Variants in TGFBR1 observed in about 807,000 individuals in gnomAD.
TGFBR1 encodes transforming growth factor beta receptor 1, also known as TGF-beta receptor type-1.
In TGFBR1, 20 loss-of-function variants were observed where a neutral mutation model predicts 55.1. The observed-to-expected ratio is 0.36, with a 90% CI of 0.26 to 0.53. The LOEUF (loss-of-function observed/expected upper bound fraction) is 0.53, where lower values mean the gene tolerates loss of function less well. Ranked by LOEUF, TGFBR1 falls within the 20% of genes least tolerant of loss-of-function variation. The pLI, the probability that TGFBR1 is intolerant of heterozygous loss-of-function variation, is 0.91. For missense variants in TGFBR1, 385 were observed against 617.6 expected, an observed-to-expected ratio of 0.62 and a Z score of 3.99; for synonymous variants, 220 against 214.8, an observed-to-expected ratio of 1.02 and a Z score of -0.21.
chr9:99,149,128 A>G (rs554262151), intron 8 of TGFBR1, 52 bp from the exon 9 acceptor site: 2 of 1,545,092 alleles, frequency 1.3e-6, no homozygotes, highest in East Asian at 4.9e-5. Flanking sequence ...TCTTATCCAG[A>G]CCAATGGAAA....
At position 99,137,854 on chromosome 9, in the gene TGFBR1, T is replaced by G. The variant is rs1025639851; in HGVS notation, c.575-5T>G. The G allele has an allele frequency of 2.5e-6, 4 of 1,612,020 alleles. No homozygotes were observed. The highest frequency in any genetic ancestry group is 3.4e-6 in the Non-Finnish European group (4 of 1,178,180). The stretch of plus-strand genomic sequence containing the variant: ...GTGTTGAGTACTATTTATTTTTACC[T>G]TTAGGTTTACCATTGCTTGTTCAGA... On this transcript the variant is annotated splice_region_variant and splice_polypyrimidine_tract_variant and intron_variant, in intron 3 of 8. Coordinates refer to ENST00000374994, the MANE Select transcript of TGFBR1 (RefSeq NM_004612.4).
rs1453151579 is a variant in TGFBR1 at position 99,114,102 on chromosome 9, T to C, written c.97+8800T>C. ...AAGATGAGCAGTATCTTGTTGCTCC[T>C]GTATTATACGAGAAAAGTTAGTTTA... On this transcript the variant is annotated intron_variant, in intron 1 of 8. Transcript: ENST00000374994. 3.9e-5 allele frequency among the ~76,000 whole-genome samples: 6 copies of C among 152,236 alleles called. No individual in the cohort carries two copies. In the East Asian group the frequency reaches 1.2e-3, roughly 29 times the overall value.
chr9:99,121,052 C>G (rs1056177341), intron 1 of TGFBR1, among the ~76,000 whole-genome samples: 1 of 152,084 alleles, frequency 6.6e-6, no homozygotes, highest in African/African-American at 2.4e-5. Context: ...TTGGGAGTGC[C>G]CTGTTCTTTT....
At chr9:99,139,698 C>A (rs971291112) in intron 4 of TGFBR1, among the ~76,000 whole-genome samples, 3 of 152,116 alleles carry the variant, frequency 2.0e-5, no homozygotes, top group Admixed American at 2.0e-4. Context: ...TATCAAATAT[C>A]CAGTTAGGTT....
rs56251429 is a variant in TGFBR1 at position 99,144,940 on chromosome 9, C to T, written c.1130+52C>T. On this transcript the variant is annotated intron_variant, in intron 6 of 8. Transcript: ENST00000374994. Reference sequence around the variant, plus strand: ...TATCTTCTGAAATCACCTTTTTTCCCTTCTCTTTCATATATACATATCATT... The same window carrying T: ...TATCTTCTGAAATCACCTTTTTTCCTTTCTCTTTCATATATACATATCATT... The T allele has an allele frequency of 2.0e-4, 314 of 1,591,938 alleles. 2 individuals carry two copies. In the East Asian group the frequency reaches 6.6e-3, roughly 33 times the overall value.
In TGFBR1 at chr9:99,136,512, A is replaced by G. The variant is rs11568772; in HGVS notation, c.575-1347A>G. On this transcript the variant is annotated intron_variant, in intron 3 of 8. Transcript: ENST00000374994. ...TAATAAATTAGTATCTACACTAAACAACATAATTAGAATTGATTATACATA... is the reference window on the plus strand; with the variant it reads ...TAATAAATTAGTATCTACACTAAACGACATAATTAGAATTGATTATACATA... Among the ~76,000 whole-genome samples the G allele has an allele frequency of 3.3e-3, 504 of 152,372 alleles. 2 individuals carry two copies. Among genetic ancestry groups the G allele is most frequent in the African/African-American group, 0.011 (473 of 41,576 alleles).
At position 99,153,883 on chromosome 9, in the gene TGFBR1, T is replaced by C. The variant is rs1590; in HGVS notation, c.*4578T>C. 4.7e-6 allele frequency: 1 copy of C among 212,614 alleles called. No homozygotes were observed. The highest frequency in any genetic ancestry group is 5.9e-5 in the Admixed American group (1 of 17,022). The allele number at this position is 212,614 out of a possible 1,614,324, so 13.2% of individuals were successfully genotyped here. A position where few individuals can be genotyped will look rare whatever the true frequency, so the allele number is the denominator to read the frequency against. ...CATGCTTAGGGGTGTGGGTCTTCCA[T>C]TGGGGCATGATGGACCTGTCTACAG... is the stretch of plus-strand genomic sequence containing the variant. On this transcript the variant is annotated 3_prime_UTR_variant, in exon 9 of 9. Transcript: ENST00000374994.
intron 5 of TGFBR1, among the ~76,000 whole-genome samples, chr9:99,143,263 T>C (rs1374501951): frequency 1.3e-5 from 2 of 152,218 alleles, no homozygotes; most frequent in African/African-American, 4.8e-5. Context: ...CTTATGATTT[T>C]TGAGGATCTC....
chr9:99,114,764 T>C (rs1465084499), intron 1 of TGFBR1, among the ~76,000 whole-genome samples: 2 of 152,222 alleles, frequency 1.3e-5, no homozygotes, highest in African/African-American at 4.8e-5. Context: ...GCCCTTATCT[T>C]TTGGTGTGTC....
intron 2 of TGFBR1, among the ~76,000 whole-genome samples, chr9:99,130,010 C>A (rs1827171939): frequency 6.6e-6 from 1 of 152,116 alleles, no homozygotes; most frequent in Admixed American, 6.5e-5. Context: ...AGTCTGAGCA[C>A]ATGTATTTAA....
At chr9:99,138,209 A>G in intron 4 of TGFBR1, 120 bp downstream of exon 4, 2 of 869,770 alleles carry the variant, frequency 2.3e-6, no homozygotes, top group Non-Finnish European at 3.7e-6. Flanking sequence ...TGTAGATTAG[A>G]CCCATTAAGT....
intron 5 of TGFBR1, among the ~76,000 whole-genome samples, chr9:99,143,883 A>G (rs1242784599): frequency 1.3e-5 from 2 of 152,224 alleles, no homozygotes; most frequent in African/African-American, 2.4e-5. Flanking sequence ...TGCACATTTT[A>G]TATAAATGAA....
chr9:99,134,795 G>T (rs1381951817), intron 3 of TGFBR1, among the ~76,000 whole-genome samples: 1 of 87,916 alleles, frequency 1.1e-5, no homozygotes. Flanking sequence ...GAATAATTCT[G>T]TTTCCATTAT....
At chr9:99,135,744 C>A (rs1564158621) in intron 3 of TGFBR1, among the ~76,000 whole-genome samples, 1 of 152,008 alleles carries the variant, frequency 6.6e-6, no homozygotes, top group Non-Finnish European at 1.5e-5. Context: ...CCCTGTTTCC[C>A]TTTTGAAGTT....
At chr9:99,119,553 G>A (rs573935368) in intron 1 of TGFBR1, among the ~76,000 whole-genome samples, 1 of 152,152 alleles carries the variant, frequency 6.6e-6, no homozygotes, top group Non-Finnish European at 1.5e-5. Flanking sequence ...TGATGTAACT[G>A]TTAGGACATT....
Position 99,149,812 on chromosome 9 carries a change from CTCTTA to C in TGFBR1, c.*512_*516del, listed in dbSNP as rs777186940. 2.6e-4 allele frequency: 60 copies of C among 228,366 alleles called. No homozygotes were observed. Among genetic ancestry groups the C allele is most frequent in the Non-Finnish European group, 4.7e-4 (54 of 114,166 alleles). 14.1% of individuals were successfully genotyped at this position (228,366 alleles called of 1,614,324 possible). ...GATCTTAAAACTAACACTTATAAAA[CTCTTA>C]TCTTGAGTCTAAAAATGACCTCATA... On this transcript the variant is annotated 3_prime_UTR_variant, in exon 9 of 9. Transcript: ENST00000374994.
intron 1 of TGFBR1, among the ~76,000 whole-genome samples, chr9:99,120,787 G>A (rs1237848257): frequency 6.6e-6 from 1 of 152,116 alleles, no homozygotes; most frequent in Admixed American, 6.6e-5. Context: ...CTTTTTAAAG[G>A]CTCTGACTCT....
chr9:99,124,709 G>A (rs1400310279), intron 1 of TGFBR1, among the ~76,000 whole-genome samples: 1 of 152,100 alleles, frequency 6.6e-6, no homozygotes, highest in Non-Finnish European at 1.5e-5. Flanking sequence ...ACTTCAAGTG[G>A]TGAAATGGAA....
At chr9:99,130,247 G>A (rs1309939646) in intron 2 of TGFBR1, among the ~76,000 whole-genome samples, 1 of 152,184 alleles carries the variant, frequency 6.6e-6, no homozygotes, top group Non-Finnish European at 1.5e-5. Flanking sequence ...TTTGGGGGGT[G>A]AGGTTAGGGT....
Sources: gnomAD v4.1 joint callset for allele counts (sites outside exome capture counted in the v4.1 genomes callset) on GRCh38, gnomAD v4.1.1 for gene constraint, MANE v1.5 for transcripts, NCBI Gene and HGNC (gene_info 2026-07-23, HGNC 2026-07-21) for gene names.